ROR2: variants seen among roughly 807,000 people sequenced by gnomAD.
ROR2 encodes tyrosine-protein kinase transmembrane receptor ROR2.
A neutral mutation model predicts 74.9 loss-of-function variants in ROR2; 33 were observed. That is an observed-to-expected ratio of 0.44 (90% CI 0.33 to 0.59). ROR2 has a LOEUF of 0.59. Ranked by LOEUF, ROR2 falls within the 20% of genes least tolerant of loss-of-function variation. ROR2 has a pLI of 0.02. For synonymous variants in ROR2, 586 were observed against 558.7 expected (o/e 1.05, Z -0.69); for missense variants, 1,216 against 1,313.8 (o/e 0.93, Z 1.15).
chr9:91,880,969 T>C (rs910045896), intron 1 of ROR2, among the ~76,000 whole-genome samples: 5 of 152,216 alleles, frequency 3.3e-5, no homozygotes, highest in African/African-American at 1.2e-4. Context: ...ATTTTCATGA[T>C]GGTTGTATTA....
At chr9:91,813,373 A>G (rs1043752279) in intron 1 of ROR2, among the ~76,000 whole-genome samples, 12 of 152,186 alleles carry the variant, frequency 7.9e-5, no homozygotes, top group African/African-American at 2.9e-4. Context: ...ACTCTTGGTA[A>G]TGGAGGGCTC....
At chr9:91,767,122 T>C (rs1007270383) in intron 2 of ROR2, among the ~76,000 whole-genome samples, 1 of 151,568 alleles carries the variant, frequency 6.6e-6, no homozygotes, top group African/African-American at 2.4e-5. Context: ...GTCGCCAGAC[T>C]GGAGTGCAGT....
chr9:91,870,086 A>G (rs1829752028), intron 1 of ROR2, among the ~76,000 whole-genome samples: 2 of 151,120 alleles, frequency 1.3e-5, no homozygotes, highest in Admixed American at 1.3e-4. Flanking sequence ...TATGTCCACA[A>G]GTTTTAATAA....
At chr9:91,936,847 G>A (rs994527565) in intron 1 of ROR2, among the ~76,000 whole-genome samples, 8 of 151,026 alleles carry the variant, frequency 5.3e-5, no homozygotes, top group African/African-American at 1.7e-4. Context: ...CGGCTAAAAC[G>A]GTGAAACCCC....
intron 2 of ROR2, among the ~76,000 whole-genome samples, chr9:91,768,656 GGGCT>G (rs1344125642): frequency 6.6e-6 from 1 of 152,130 alleles, no homozygotes; most frequent in Non-Finnish European, 1.5e-5. Context: ...AGAAAGACAG[GGGCT>G]GATCGAGGAC....
chr9:91,856,841 G>C (rs796640994), intron 1 of ROR2, among the ~76,000 whole-genome samples: 4 of 152,304 alleles, frequency 2.6e-5, no homozygotes, highest in African/African-American at 9.6e-5. Flanking sequence ...TGTGCTGGCT[G>C]CCTCACTGCT....
chr9:91,839,361 T>C (rs919392752), intron 1 of ROR2, among the ~76,000 whole-genome samples: 2 of 150,120 alleles, frequency 1.3e-5, no homozygotes, highest in African/African-American at 4.9e-5. Flanking sequence ...TGTGTCTGTG[T>C]GTATATGGTG....
intron 4 of ROR2, among the ~76,000 whole-genome samples, chr9:91,750,466 C>CT (rs1437590433): frequency 9.9e-5 from 15 of 152,202 alleles, no homozygotes; most frequent in Non-Finnish European, 7.3e-5. Flanking sequence ...CGCACAGCCT[C>CT]TAACAACACA....
intron 1 of ROR2, among the ~76,000 whole-genome samples, chr9:91,937,120 A>G (rs1039372030): frequency 4.6e-5 from 7 of 151,970 alleles, no homozygotes; most frequent in Non-Finnish European, 1.0e-4. Flanking sequence ...AACACAAGCT[A>G]AAGTATTTTT....
At chr9:91,846,709 G>C (rs1828945948) in intron 1 of ROR2, among the ~76,000 whole-genome samples, 1 of 152,096 alleles carries the variant, frequency 6.6e-6, no homozygotes. Flanking sequence ...TCAGCCCCCT[G>C]ATAAGCACCC....
Position 91,867,719 on chromosome 9 carries a change from T to G in ROR2, c.97+82148A>C, listed in dbSNP as rs537911786. On this transcript the variant is annotated intron_variant, in intron 1 of 8. Transcript: ENST00000375708. ...GTGTGTGTATCTGACCCTAAGCAGA[T>G]GTTGAGAACAGAACTGCACAGCAGA... Among the ~76,000 whole-genome samples, 21 of 147,940 alleles carry G rather than the reference T, an allele frequency of 1.4e-4. 1 individual carries two copies. The highest frequency in any genetic ancestry group is 1.1e-3 in the Admixed American group (16 of 14,710).
chr9:91,902,576 G>C (rs1830702439), intron 1 of ROR2, among the ~76,000 whole-genome samples: 1 of 152,234 alleles, frequency 6.6e-6, no homozygotes, highest in Admixed American at 6.5e-5. Flanking sequence ...CTCCTTGGGC[G>C]ACCCTGCCCC....
intron 1 of ROR2, among the ~76,000 whole-genome samples, chr9:91,849,616 A>G (rs1248370722): frequency 6.6e-6 from 1 of 152,178 alleles, no homozygotes; most frequent in Non-Finnish European, 1.5e-5. Context: ...TTGTTTCATT[A>G]TGCCCTTTAT....
At chr9:91,857,709 G>A (rs1829340103) in intron 1 of ROR2, among the ~76,000 whole-genome samples, 1 of 152,026 alleles carries the variant, frequency 6.6e-6, no homozygotes, top group Admixed American at 6.5e-5. Context: ...TCCCTGAGGA[G>A]CTTAAATCCC....
intron 1 of ROR2, chr9:91,948,675 C>T (rs1832076734): frequency 1.0e-5 from 10 of 985,422 alleles, no homozygotes; most frequent in Non-Finnish European, 1.2e-5. Context: ...GCAGGAAAAG[C>T]AGAGCGTCTC....
intron 1 of ROR2, among the ~76,000 whole-genome samples, chr9:91,831,121 T>G (rs1474798958): frequency 6.6e-6 from 1 of 151,620 alleles, no homozygotes; most frequent in Non-Finnish European, 1.5e-5. Flanking sequence ...ATTAGCCTGG[T>G]GTGGTGGTGC....
intron 1 of ROR2, among the ~76,000 whole-genome samples, chr9:91,885,942 C>T (rs553451846): frequency 1.3e-4 from 19 of 141,736 alleles, no homozygotes; most frequent in African/African-American, 5.1e-4. Flanking sequence ...GTCGCAATCT[C>T]AGCTCACTGC....
intron 1 of ROR2, among the ~76,000 whole-genome samples, chr9:91,937,691 G>A (rs572548394): frequency 2.0e-5 from 3 of 152,268 alleles, no homozygotes; most frequent in South Asian, 2.1e-4. Flanking sequence ...CACCAGCACA[G>A]GAGAGACAGG....
intron 1 of ROR2, among the ~76,000 whole-genome samples, chr9:91,782,863 T>C (rs1826670688): frequency 6.6e-6 from 1 of 152,218 alleles, no homozygotes; most frequent in Non-Finnish European, 1.5e-5. Flanking sequence ...ATGTCTGCTA[T>C]GATCACAGGA....
Sources: allele counts gnomAD v4.1 joint callset (sites outside exome capture counted in the v4.1 genomes callset), GRCh38; gene constraint gnomAD v4.1.1; transcripts MANE v1.5; gene names NCBI Gene and HGNC (gene_info 2026-07-23, HGNC 2026-07-21).